IGSF21: variants seen among roughly 807,000 people sequenced by gnomAD.
IGSF21 encodes the protein immunoglobulin superfamily member 21.
A neutral mutation model predicts 46.8 loss-of-function variants in IGSF21; 28 were observed. The ratio of observed to expected loss-of-function variants is 0.60; its 90% CI spans 0.44 to 0.82. IGSF21 has a LOEUF of 0.82. Among genes scored for constraint, IGSF21 ranks in the 40% least tolerant of loss-of-function variants. The pLI, the probability that IGSF21 is intolerant of heterozygous loss-of-function variation, is 0.00. For synonymous variants in IGSF21, 284 were observed against 273.6 expected (o/e 1.04, Z -0.38); for missense variants, 624 against 665.5 (o/e 0.94, Z 0.69).
chr1:18,306,968 G>A (rs1191095441), intron 3 of IGSF21, among the ~76,000 whole-genome samples: 1 of 152,214 alleles, frequency 6.6e-6, no homozygotes, highest in Non-Finnish European at 1.5e-5. Flanking sequence ...AACCCAGTCA[G>A]CCGATTGGTT....
At chr1:18,247,989 T>G (rs916077161) in intron 2 of IGSF21, among the ~76,000 whole-genome samples, 29 of 152,132 alleles carry the variant, frequency 1.9e-4, no homozygotes, top group Non-Finnish European at 3.8e-4. Context: ...CCCAGGCAAA[T>G]AGAGCCATTA....
chr1:18,273,064 T>A (rs1020111315), intron 2 of IGSF21, among the ~76,000 whole-genome samples: 2 of 143,106 alleles, frequency 1.4e-5, no homozygotes, highest in Non-Finnish European at 3.0e-5. Context: ...TTTTTTTTTT[T>A]AGATGGAGTC....
intron 1 of IGSF21, among the ~76,000 whole-genome samples, chr1:18,187,061 G>A (rs1022096153): frequency 4.6e-5 from 7 of 152,086 alleles, no homozygotes; most frequent in Non-Finnish European, 1.0e-4. Flanking sequence ...TGTAAACTGC[G>A]TGGCTTCAAC....
At chr1:18,188,128 T>C (rs530124162) in intron 1 of IGSF21, among the ~76,000 whole-genome samples, 34 of 152,186 alleles carry the variant, frequency 2.2e-4, no homozygotes, top group Non-Finnish European at 4.0e-4. Context: ...ACCTAACTGG[T>C]AGCAAAGTTG....
intron 6 of IGSF21, among the ~76,000 whole-genome samples, chr1:18,366,751 A>C (rs7543948): frequency 0.71 from 107,304 of 151,868 alleles, 38,111 homozygotes; most frequent in East Asian, 0.75. Context: ...CTGCCCAGAG[A>C]CAGCTCAGCC....
intron 1 of IGSF21, among the ~76,000 whole-genome samples, chr1:18,187,817 G>T (rs1409541133): frequency 1.3e-5 from 2 of 152,154 alleles, no homozygotes; most frequent in South Asian, 2.1e-4. Context: ...TAAACATTGA[G>T]TACGTAACAG....
intron 4 of IGSF21, among the ~76,000 whole-genome samples, chr1:18,358,530 C>T (rs982416032): frequency 2.0e-5 from 3 of 152,274 alleles, no homozygotes; most frequent in Middle Eastern, 3.4e-3. Flanking sequence ...CGGGACAGCC[C>T]GAATCTAGGG....
chr1:18,129,887 C>T (rs1465238350), intron 1 of IGSF21, among the ~76,000 whole-genome samples: 4 of 152,130 alleles, frequency 2.6e-5, no homozygotes, highest in Non-Finnish European at 4.4e-5. Context: ...CTTGCCCTTC[C>T]GCGCGCCTTC....
chr1:18,376,283 T>C (rs1370297562), intron 6 of IGSF21, 27 bp from the exon 7 acceptor site: 26 of 1,513,564 alleles, frequency 1.7e-5, no homozygotes, highest in Non-Finnish European at 2.3e-5. Context: ...CCTTACTCTC[T>C]CTGACCTGGC....
chr1:18,198,900 C>T (rs981255685), intron 1 of IGSF21, among the ~76,000 whole-genome samples: 9 of 152,058 alleles, frequency 5.9e-5, no homozygotes, highest in Admixed American at 4.6e-4. Flanking sequence ...AAGACCTCTC[C>T]CCTGCCCCCT....
chr1:18,245,771 T>C (rs1044877171), intron 2 of IGSF21, among the ~76,000 whole-genome samples: 1 of 152,128 alleles, frequency 6.6e-6, no homozygotes, highest in East Asian at 1.9e-4. Context: ...GGGTGGGTGG[T>C]TGGAGTACCC....
chr1:18,148,054 G>C (rs1013381857), intron 1 of IGSF21, among the ~76,000 whole-genome samples: 2 of 151,646 alleles, frequency 1.3e-5, no homozygotes, highest in Non-Finnish European at 2.9e-5. Context: ...ATGATTGTGA[G>C]GCCTCCCCAG....
rs1557659468 is a variant in IGSF21, at chr1:18,359,343, AAAGAAAGAAAGAAAG to A, written c.425-2769_425-2755del. The stretch of plus-strand genomic sequence containing the variant: ...GAGAGAGAGAAAGAGAAAGAAAAAG[AAAGAAAGAAAGAAAG>A]AAAGAAAGAAAGAAAGAAAGAAAGA... On this transcript the variant is annotated intron_variant, in intron 4 of 9. Transcript: ENST00000251296. 2.3e-3 allele frequency among the ~76,000 whole-genome samples: 118 copies of A among 50,546 alleles called. 4 individuals carry two copies. Among genetic ancestry groups the A allele is most frequent in the African/African-American group, 8.3e-3 (112 of 13,480 alleles). 33.2% of individuals were successfully genotyped at this position (50,546 alleles called of 152,430 possible).
intron 1 of IGSF21, among the ~76,000 whole-genome samples, chr1:18,182,543 A>G (rs1347810354): frequency 6.6e-6 from 1 of 151,842 alleles, no homozygotes; most frequent in East Asian, 1.9e-4. Context: ...ATATGTCACA[A>G]CTCTTAGCAG....
chr1:18,168,701 G>A (rs1421170840), intron 1 of IGSF21, among the ~76,000 whole-genome samples: 2 of 152,200 alleles, frequency 1.3e-5, no homozygotes, highest in Non-Finnish European at 2.9e-5. Flanking sequence ...CCTGCTGCAT[G>A]CCAGGCACTT....
chr1:18,337,310 A>T lies in IGSF21; in HGVS notation c.424+2300A>T, dbSNP rs1057374564. On this transcript the variant is annotated intron_variant, in intron 4 of 9. Transcript: ENST00000251296. The surrounding 1 kb of genome is among the most constrained non-coding windows in gnomAD (Gnocchi z 5.7). Reference sequence around the variant, plus strand: ...CCCCATCTGTAAAACAGGGATAAGGATGCTTCCCTCCTAGGGTGGCTGTGA... The same window carrying T: ...CCCCATCTGTAAAACAGGGATAAGGTTGCTTCCCTCCTAGGGTGGCTGTGA... Among the ~76,000 whole-genome samples, 10 of 152,200 alleles carry T rather than the reference A, an allele frequency of 6.6e-5. No homozygotes were observed. The highest frequency in any genetic ancestry group is 1.3e-4 in the Non-Finnish European group (9 of 68,032).
Position 18,203,489 on chromosome 1 carries a change from A to T in IGSF21, c.71-24409A>T, listed in dbSNP as rs544928121. 2.0e-5 allele frequency among the ~76,000 whole-genome samples: 3 copies of T among 152,306 alleles called. No individual in the cohort carries two copies. The East Asian group carries it at 5.8e-4, about 29-fold the overall frequency. On this transcript the variant is annotated intron_variant, in intron 1 of 9. Transcript: ENST00000251296. Reference sequence around the variant, plus strand: ...ACACCTGGCTAGGTTTTGTATTTTTAGTAGAGACAGGGTTTCACCATGTTG... The same window carrying T: ...ACACCTGGCTAGGTTTTGTATTTTTTGTAGAGACAGGGTTTCACCATGTTG...
intron 3 of IGSF21, among the ~76,000 whole-genome samples, chr1:18,302,579 G>A (rs140062154): frequency 2.4e-4 from 36 of 151,926 alleles, no homozygotes; most frequent in Non-Finnish European, 3.7e-4. Context: ...TTCCTATTGC[G>A]GTGCCCTTTT....
At chr1:18,208,080 G>A (rs2084349954) in intron 1 of IGSF21, among the ~76,000 whole-genome samples, 1 of 152,036 alleles carries the variant, frequency 6.6e-6, no homozygotes, top group African/African-American at 2.4e-5. Flanking sequence ...CATATCATTG[G>A]CCAACAGGGG....
Sources: allele counts gnomAD v4.1 joint callset (sites outside exome capture counted in the v4.1 genomes callset), GRCh38; gene constraint gnomAD v4.1.1; non-coding constraint Gnocchi (gnomAD v3.1); transcripts MANE v1.5; gene names NCBI Gene and HGNC (gene_info 2026-07-23, HGNC 2026-07-21).